SPATA31G1: variants seen among roughly 807,000 people sequenced by gnomAD.
SPATA31G1 encodes SPATA31 subfamily G member 1.
At chr9:35,043,983 C>T in the SPATA31G1 span, 10 of 1,613,118 alleles carry the variant, frequency 6.2e-6, no homozygotes, top group Non-Finnish European at 6.8e-6. Context: ...ATCTGAGACA[C>T]CATGGAAGGG....
the SPATA31G1 span, chr9:35,045,795 AC>A: frequency 6.2e-7 from 1 of 1,614,118 alleles, no homozygotes; most frequent in Non-Finnish European, 8.5e-7. Flanking sequence ...GGCTTCCCTT[AC>A]CAGGGGTTTG....
chr9:35,043,337 A>C, the SPATA31G1 span: 1 of 1,613,970 alleles, frequency 6.2e-7, no homozygotes. Flanking sequence ...TTGCCTTCCT[A>C]CCTAGGTCCA....
At chr9:35,044,715 C>A in the SPATA31G1 span, 5 of 1,614,226 alleles carry the variant, frequency 3.1e-6, no homozygotes, top group Non-Finnish European at 4.2e-6. Context: ...TACTCCTCTA[C>A]CAGAGCCACA....
chr9:35,045,970 T>A, the SPATA31G1 span: 1 of 1,350,006 alleles, frequency 7.4e-7, no homozygotes, highest in Non-Finnish European at 1.0e-6. Context: ...TCTAATAAAC[T>A]AGCTGAATTA....
At chr9:35,043,156 T>C in the SPATA31G1 span, 1 of 1,614,200 alleles carries the variant, frequency 6.2e-7, no homozygotes, top group South Asian at 1.1e-5. Flanking sequence ...CTGACCAGCT[T>C]TCCTGTGAGG....
chr9:35,045,735 C>T, the SPATA31G1 span: 1 of 1,614,234 alleles, frequency 6.2e-7, no homozygotes, highest in African/African-American at 1.3e-5. Context: ...CCACTGTAAG[C>T]ACTGTCCTTG....
the SPATA31G1 span, chr9:35,042,172 C>G: frequency 6.5e-7 from 1 of 1,528,204 alleles, no homozygotes; most frequent in Non-Finnish European, 8.8e-7. Flanking sequence ...GGCTGTTAAG[C>G]CCAGGCCTCT....
chr9:35,041,268 ATAAAG>A, the SPATA31G1 span: 1 of 221,482 alleles, frequency 4.5e-6, no homozygotes, highest in Admixed American at 5.6e-5. Context: ...AGCTAAGAAC[ATAAAG>A]TAAATTGATT....
At chr9:35,042,625 A>C in the SPATA31G1 span, 14 of 1,359,346 alleles carry the variant, frequency 1.0e-5, no homozygotes, top group Admixed American at 8.5e-5. Context: ...ACTAGATTTG[A>C]AGCCAGGTGA....
At chr9:35,044,918 C>A in the SPATA31G1 span, 4 of 1,614,182 alleles carry the variant, frequency 2.5e-6, 1 homozygote, top group Middle Eastern at 4.9e-4. Flanking sequence ...AGGCCCCACT[C>A]TCCCAGAGAT....
At chr9:35,043,433 C>G in the SPATA31G1 span, 9 of 1,614,170 alleles carry the variant, frequency 5.6e-6, no homozygotes, top group Admixed American at 6.7e-5. Context: ...GGATGGCCCC[C>G]GATCCTCAGC....
chr9:35,045,701 A>T, the SPATA31G1 span: 1 of 1,614,236 alleles, frequency 6.2e-7, no homozygotes, highest in Non-Finnish European at 8.5e-7. Context: ...CAGGGCGAAG[A>T]GCAAGTGACA....
the SPATA31G1 span, chr9:35,045,289 G>C: frequency 6.2e-7 from 1 of 1,613,948 alleles, no homozygotes; most frequent in Non-Finnish European, 8.5e-7. Context: ...TCTCAGAGAG[G>C]GGAGAAAATG....
the SPATA31G1 span, chr9:35,042,162 G>A: frequency 6.7e-7 from 1 of 1,491,476 alleles, no homozygotes; most frequent in Non-Finnish European, 8.9e-7. Context: ...TCAGGGAGAA[G>A]GCTGTTAAGC....
chr9:35,045,894 T>C, the SPATA31G1 span: 1 of 1,562,856 alleles, frequency 6.4e-7, no homozygotes, highest in East Asian at 2.2e-5. Context: ...ATACTAGCAC[T>C]TGGTATGCCA....
At chr9:35,043,462 C>A in the SPATA31G1 span, 3 of 1,614,190 alleles carry the variant, frequency 1.9e-6, no homozygotes, top group Admixed American at 1.7e-5. Flanking sequence ...CCTCCATCTT[C>A]TCCTTCTGTC....
At chr9:35,043,737 G>C in the SPATA31G1 span, 2 of 1,614,004 alleles carry the variant, frequency 1.2e-6, no homozygotes, top group African/African-American at 2.7e-5. Context: ...GGACTTCTGG[G>C]GAACCGTGGG....
At chr9:35,042,372 G>T in the SPATA31G1 span, 1 of 1,614,262 alleles carries the variant, frequency 6.2e-7, no homozygotes, top group African/African-American at 1.3e-5. Flanking sequence ...CCAGAGTCCA[G>T]GAAATCTGGT....
the SPATA31G1 span, chr9:35,043,591 A>C: frequency 6.2e-7 from 1 of 1,614,140 alleles, no homozygotes; most frequent in East Asian, 2.2e-5. Flanking sequence ...CCTGGATATG[A>C]GACTCATTTG....
Sources: gnomAD v4.1 joint callset for allele counts on GRCh38, gnomAD v4.1.1 for gene constraint, MANE v1.5 for transcripts, NCBI Gene and HGNC (gene_info 2026-07-23, HGNC 2026-07-21) for gene names.